The following CROT variants were observed in gnomAD, a reference collection of about 807,000 sequenced individuals.
CROT encodes peroxisomal carnitine O-octanoyltransferase.
CROT carries 84 observed loss-of-function variants against 89.2 expected under a neutral mutation model. The observed-to-expected ratio is 0.94, with a 90% confidence interval of 0.79 to 1.13. The LOEUF (loss-of-function observed/expected upper bound fraction) is 1.13, where lower values mean the gene tolerates loss of function less well. CROT is among the 50% of genes most tolerant of loss of function. The probability of loss-of-function intolerance (pLI) is 0.00; values close to 1 mark genes in which losing one functional copy is unlikely to be tolerated. For missense variants in CROT, 711 were observed against 727.8 expected (o/e 0.98, Z 0.27); for synonymous variants, 212 against 239.5 (o/e 0.89, Z 1.06).
chr7:87,369,510 C>T (rs775854965), intron 7 of CROT, 26 bp downstream of exon 7: 1 of 1,508,280 alleles, frequency 6.6e-7, no homozygotes, highest in Non-Finnish European at 9.2e-7. Flanking sequence ...TCTTGAGTTT[C>T]ATTAGGTCTT....
chr7:87,377,396 C>G lies in CROT; in HGVS notation c.924C>G (p.Asp308Glu), dbSNP rs1283538421. The change falls in exon 10 of 18, where the codon GAC (aspartate) becomes GAG (glutamate). Residue 308 changes from aspartate to glutamate, a missense_variant. Asp to Glu is a conservative substitution (Grantham distance 45). Coordinates refer to ENST00000331536, the MANE Select transcript of CROT (RefSeq NM_021151.4). ...GAGATCCAACAGTACGCTGGGGTGA[C>G]AAATCCTATAACTTGATTTCCTTTT... is the stretch of plus-strand genomic sequence containing the variant. The part of the protein sequence containing the change: ...LIGDPTVRWG[D>E]KSYNLISFSN... 1 of 1,611,524 alleles carries G rather than the reference C, an allele frequency of 6.2e-7. No individual in the cohort carries two copies. The highest frequency in any genetic ancestry group is 8.5e-7 in the Non-Finnish European group (1 of 1,178,286).
intron 13 of CROT, among the ~76,000 whole-genome samples, chr7:87,386,428 GT>G (rs1393729490): frequency 6.6e-6 from 1 of 151,960 alleles, no homozygotes; most frequent in Non-Finnish European, 1.5e-5. Flanking sequence ...TTCCTTCTAG[GT>G]TTTCCAATTT....
At chr7:87,395,197 G>C (rs370850968) in intron 17 of CROT, among the ~76,000 whole-genome samples, 159 of 152,300 alleles carry the variant, frequency 1.0e-3, no homozygotes, top group African/African-American at 3.6e-3. Flanking sequence ...AGAGTCCAAC[G>C]TTCAAGGCCA....
At chr7:87,361,988 TA>T in intron 6 of CROT, 136 bp downstream of exon 6, 1 of 737,662 alleles carries the variant, frequency 1.4e-6, no homozygotes, top group Non-Finnish European at 2.1e-6. Flanking sequence ...GTGAGCCTTA[TA>T]TTTGAATCAT....
chr7:87,351,169 C>T (rs1409864259), intron 3 of CROT, among the ~76,000 whole-genome samples: 1 of 151,664 alleles, frequency 6.6e-6, no homozygotes, highest in Non-Finnish European at 1.5e-5. Context: ...ATTAGCCAGG[C>T]GTGGTGGCGG....
intron 10 of CROT, among the ~76,000 whole-genome samples, chr7:87,378,332 T>C (rs1019818247): frequency 2.7e-5 from 3 of 112,900 alleles, no homozygotes; most frequent in Admixed American, 1.2e-4. Flanking sequence ...GGAAACAGAC[T>C]GAGACTCCGA....
rs1807641659 is a variant in CROT at position 87,398,794 on chromosome 7, T to C, written c.*150T>C. The C allele has an allele frequency of 1.4e-6, 1 of 714,330 alleles. No individual in the cohort carries two copies. The highest frequency in any genetic ancestry group is 2.3e-6 in the Non-Finnish European group (1 of 444,014). 44.2% of individuals were successfully genotyped at this position (714,330 alleles called of 1,614,324 possible). ...TTGTTAAATGTAGAAATTAGTAGAA[T>C]CATGCTCTCTAAATTTATTCTGCCA... On this transcript the variant is annotated 3_prime_UTR_variant, in exon 18 of 18. Coordinates refer to ENST00000331536, the MANE Select transcript of CROT (RefSeq NM_021151.4).
chr7:87,378,806 T>C (rs1315564292), intron 10 of CROT, among the ~76,000 whole-genome samples: 2 of 152,160 alleles, frequency 1.3e-5, no homozygotes, highest in African/African-American at 4.8e-5. Context: ...ATCAGTCTCA[T>C]TCAAACCACT....
At chr7:87,354,666 C>T (rs557701562) in intron 3 of CROT, among the ~76,000 whole-genome samples, 2 of 151,968 alleles carry the variant, frequency 1.3e-5, no homozygotes, top group Admixed American at 6.6e-5. Flanking sequence ...TTATCTCAGA[C>T]CTCAAAAAAG....
chr7:87,392,529 AGT>A (rs1807396622), intron 14 of CROT, 35 bp from the exon 15 acceptor site: 1 of 1,536,532 alleles, frequency 6.5e-7, no homozygotes, highest in South Asian at 1.1e-5. Flanking sequence ...GGTTTTGCAC[AGT>A]GTGTTATTGA....
chr7:87,390,721 A>G (rs1475125505), intron 13 of CROT, among the ~76,000 whole-genome samples: 1 of 152,226 alleles, frequency 6.6e-6, no homozygotes, highest in Non-Finnish European at 1.5e-5. Context: ...AACTTCTTAA[A>G]TTATACTTCT....
In CROT at chr7:87,361,510, C is replaced by T; in HGVS notation, c.361C>T (p.Gln121Ter). 1.9e-6 allele frequency: 3 copies of T among 1,611,992 alleles called. No individual in the cohort carries two copies. The highest frequency in any genetic ancestry group is 1.7e-6 in the Non-Finnish European group (2 of 1,179,520). The change falls in exon 5 of 18, where the codon CAA becomes TAA. Residue 121 changes from glutamine to a stop codon, truncating the protein, a stop_gained. Coordinates refer to ENST00000331536, the MANE Select transcript of CROT (RefSeq NM_021151.4). LOFTEE classifies it high-confidence loss of function. ...CTACTGGCCTCCAAAGGAAGGGACT[C>T]AATTAGAAAGAGGAAGTATAACTCT... ...EHYWPPKEGT[Q>*]LERGSITLWH...
chr7:87,361,841 A>G lies in CROT; in HGVS notation c.536A>G (p.Tyr179Cys). The G allele has an allele frequency of 6.3e-7, 1 of 1,585,194 alleles. No homozygotes were observed. The highest frequency in any genetic ancestry group is 1.2e-5 in the South Asian group (1 of 85,076). The change falls in exon 6 of 18, where the codon TAT becomes TGT. Residue 179 changes from tyrosine (Y) to cysteine (C), a missense_variant. Transcript: ENST00000331536. ...ATTACTAGAGACTCCATTATGAATT[A>G]TTTTAGGACTGGTAAGTAAAAATGC... is the stretch of plus-strand genomic sequence containing the variant. ...PGITRDSIMN[Y>C]FRTESEGRSP...
At chr7:87,390,908 T>G (rs1466357284) in intron 13 of CROT, among the ~76,000 whole-genome samples, 1 of 152,208 alleles carries the variant, frequency 6.6e-6, no homozygotes, top group East Asian at 1.9e-4. Context: ...GTCAGTAATT[T>G]TATATCACAA....
intron 3 of CROT, among the ~76,000 whole-genome samples, chr7:87,358,376 G>A (rs1428555368): frequency 6.6e-6 from 1 of 150,898 alleles, no homozygotes; most frequent in Non-Finnish European, 1.5e-5. Context: ...CAGCTACTCG[G>A]GAGGCTGAGG....
intron 13 of CROT, among the ~76,000 whole-genome samples, chr7:87,387,175 T>C (rs1346113204): frequency 1.3e-5 from 2 of 152,026 alleles, no homozygotes; most frequent in South Asian, 2.1e-4. Context: ...TGGTACTAGA[T>C]AGTTGTTTTG....
At chr7:87,382,372 T>C (rs1807039400) in intron 12 of CROT, 41 bp from the exon 13 acceptor site, 1 of 1,598,590 alleles carries the variant, frequency 6.3e-7, no homozygotes, top group Non-Finnish European at 8.5e-7. Context: ...GTATTCTCCT[T>C]AGGTGATTTT....
chr7:87,359,331 G>A lies in CROT; in HGVS notation c.240+1G>A, dbSNP rs1264102007. On this transcript the variant is annotated splice_donor_variant, in intron 4 of 17. Transcript: ENST00000331536. LOFTEE classifies it high-confidence loss of function. The stretch of plus-strand genomic sequence containing the variant: ...AAGAGCAAAAGGAAAAAGAAATTGG[G>A]TATTTGTTGTTATAATTGAATAATG... 1 of 1,592,950 alleles carries A rather than the reference G, an allele frequency of 6.3e-7. No homozygotes were observed. The highest frequency in any genetic ancestry group is 1.1e-5 in the South Asian group (1 of 87,366).
At chr7:87,372,426 A>G (rs1342135233) in intron 7 of CROT, among the ~76,000 whole-genome samples, 1 of 152,214 alleles carries the variant, frequency 6.6e-6, no homozygotes. Flanking sequence ...AATTTGACAT[A>G]TAATTATTAG....
Sources: gnomAD v4.1 joint callset for allele counts (sites outside exome capture counted in the v4.1 genomes callset) on GRCh38, gnomAD v4.1.1 for gene constraint, MANE v1.5 for transcripts, NCBI Gene and HGNC (gene_info 2026-07-23, HGNC 2026-07-21) for gene names.